The following TASP1 variants were observed in gnomAD, a reference collection of about 807,000 sequenced individuals.
The protein encoded by TASP1 is threonine aspartase 1.
A neutral mutation model predicts 56.6 loss-of-function variants in TASP1; 16 were observed. The ratio of observed to expected loss-of-function variants is 0.28; its 90% CI spans 0.19 to 0.43. TASP1 has a LOEUF of 0.43. Ranked by LOEUF, TASP1 falls within the 20% of genes least tolerant of loss-of-function variation. TASP1 has a pLI of 1.00. For synonymous variants in TASP1, 179 were observed against 184.2 expected (o/e 0.97, Z 0.23); for missense variants, 393 against 511.6 (o/e 0.77, Z 2.24).
At chr20:13,207,351 A>C in the TASP1 span, among the ~76,000 whole-genome samples, 1 of 152,248 alleles carries the variant, frequency 6.6e-6, no homozygotes, top group Non-Finnish European at 1.5e-5. Context: ...GCCACTAGCC[A>C]AAGTAAGTCA....
the TASP1 span, among the ~76,000 whole-genome samples, chr20:13,328,117 A>T: frequency 6.6e-6 from 1 of 152,124 alleles, no homozygotes; most frequent in Non-Finnish European, 1.5e-5. Context: ...CAAGAAAAAA[A>T]ACCAAACAAC....
At chr20:13,500,116 CA>C (rs535007175) in intron 10 of TASP1, among the ~76,000 whole-genome samples, 10 of 151,498 alleles carry the variant, frequency 6.6e-5, no homozygotes, top group Non-Finnish European at 1.3e-4. Context: ...TGCACACACA[CA>C]CCCTGGACCT....
intron 13 of TASP1, among the ~76,000 whole-genome samples, chr20:13,401,042 CTG>C (rs1405330406): frequency 6.6e-5 from 10 of 152,182 alleles, no homozygotes; most frequent in Non-Finnish European, 1.2e-4. Flanking sequence ...AGGTGTAGGA[CTG>C]TGGAAGTGAA....
the TASP1 span, among the ~76,000 whole-genome samples, chr20:13,221,466 C>G: frequency 1.0e-4 from 15 of 145,712 alleles, no homozygotes; most frequent in Admixed American, 2.7e-4. Context: ...CAGTCTCCGT[C>G]TCCGCCGCCG....
At chr20:13,126,498 T>G in the TASP1 span, 1 of 1,426,668 alleles carries the variant, frequency 7.0e-7, no homozygotes, top group Non-Finnish European at 9.4e-7. Flanking sequence ...AAATGTCTTT[T>G]GCTATGAGGA....
the TASP1 span, among the ~76,000 whole-genome samples, chr20:13,271,514 AT>A: frequency 6.6e-6 from 1 of 152,160 alleles, no homozygotes; most frequent in Non-Finnish European, 1.5e-5. Flanking sequence ...AGCCCGTGTC[AT>A]TTTTCTAATA....
chr20:13,365,485 T>C, the TASP1 span, among the ~76,000 whole-genome samples: 248 of 152,332 alleles, frequency 1.6e-3, 1 homozygote, highest in Non-Finnish European at 2.8e-3. Flanking sequence ...TTCAGCTTGA[T>C]GTGTCATCAA....
At chr20:13,359,813 C>G in the TASP1 span, among the ~76,000 whole-genome samples, 1 of 151,790 alleles carries the variant, frequency 6.6e-6, no homozygotes, top group Non-Finnish European at 1.5e-5. Context: ...CAATCCAAAG[C>G]CTCCTTTGCA....
chr20:13,362,172 T>C, the TASP1 span, among the ~76,000 whole-genome samples: 1 of 150,182 alleles, frequency 6.7e-6, no homozygotes. Context: ...CCCCCAAAAA[T>C]TTTCGCCGCC....
the TASP1 span, among the ~76,000 whole-genome samples, chr20:13,108,643 C>T: frequency 2.6e-5 from 4 of 151,526 alleles, no homozygotes; most frequent in African/African-American, 9.7e-5. Flanking sequence ...GGTGTGATCT[C>T]GGCTCACTGC....
the TASP1 span, among the ~76,000 whole-genome samples, chr20:13,367,237 C>T: frequency 2.0e-5 from 3 of 152,106 alleles, no homozygotes; most frequent in East Asian, 5.8e-4. Flanking sequence ...TAGGTCAAAC[C>T]CTGTTTGGTT....
chr20:13,559,564 A>T (rs1242096959), intron 7 of TASP1, among the ~76,000 whole-genome samples: 1 of 152,204 alleles, frequency 6.6e-6, no homozygotes, highest in Non-Finnish European at 1.5e-5. Context: ...AAAATAATAA[A>T]AAGTAAATAA....
the TASP1 span, among the ~76,000 whole-genome samples, chr20:13,369,643 GTGTTTA>G: frequency 6.6e-6 from 1 of 152,208 alleles, no homozygotes; most frequent in Non-Finnish European, 1.5e-5. Context: ...ATTTCCCAGG[GTGTTTA>G]TTAAGTGGAT....
intron 10 of TASP1, among the ~76,000 whole-genome samples, chr20:13,497,934 C>T (rs1307357485): frequency 6.6e-6 from 1 of 152,112 alleles, no homozygotes; most frequent in Non-Finnish European, 1.5e-5. Context: ...GTTAGCCATA[C>T]ACAGAAGAAT....
chr20:13,451,544 T>G (rs1027681025), intron 11 of TASP1, among the ~76,000 whole-genome samples: 2 of 152,050 alleles, frequency 1.3e-5, no homozygotes, highest in Non-Finnish European at 2.9e-5. Context: ...GCAGCTTCTT[T>G]CCTTATACCT....
At chr20:13,195,382 C>T in the TASP1 span, among the ~76,000 whole-genome samples, 44 of 152,132 alleles carry the variant, frequency 2.9e-4, no homozygotes, top group Non-Finnish European at 5.9e-4. Context: ...CTCTAGGCAC[C>T]GGCCCTCTCT....
At chr20:13,432,702 A>G (rs1271470062) in intron 12 of TASP1, among the ~76,000 whole-genome samples, 1 of 152,200 alleles carries the variant, frequency 6.6e-6, no homozygotes, top group African/African-American at 2.4e-5. Flanking sequence ...AAAGAGTAGG[A>G]ACCAGTTTAT....
the TASP1 span, among the ~76,000 whole-genome samples, chr20:13,262,788 T>C: frequency 0.16 from 24,992 of 152,154 alleles, 2,190 homozygotes; most frequent in East Asian, 0.22. Context: ...TACACAGGGA[T>C]GGGTGGCCCC....
At chr20:13,452,413 TA>T (rs1240789170) in intron 11 of TASP1, among the ~76,000 whole-genome samples, 3,689 of 138,806 alleles carry the variant, frequency 0.027, 106 homozygotes, top group African/African-American at 0.08. Flanking sequence ...ACACATACAT[TA>T]AAAAAAAAAA....
Sources: allele counts gnomAD v4.1 joint callset (sites outside exome capture counted in the v4.1 genomes callset), GRCh38; gene constraint gnomAD v4.1.1; transcripts MANE v1.5; gene names NCBI Gene and HGNC (gene_info 2026-07-23, HGNC 2026-07-21).